Variants in DOCK4 observed in about 807,000 individuals in gnomAD.
DOCK4 encodes the protein dedicator of cytokinesis protein 4.
Under a neutral mutation model 268.1 loss-of-function variants are expected in DOCK4, and 97 were observed. The ratio of observed to expected loss-of-function variants is 0.36; its 90% CI spans 0.31 to 0.43. The LOEUF is 0.43. Ranked by LOEUF, DOCK4 falls within the 20% of genes least tolerant of loss-of-function variation. DOCK4 has a pLI of 1.00. For synonymous variants in DOCK4, 954 were observed against 887.2 expected, an observed-to-expected ratio of 1.08 and a Z score of -1.34; for missense variants, 2,145 against 2,455.7, an observed-to-expected ratio of 0.87 and a Z score of 2.67.
At chr7:112,186,765 C>A (rs1028081539) in intron 1 of DOCK4, among the ~76,000 whole-genome samples, 1 of 152,002 alleles carries the variant, frequency 6.6e-6, no homozygotes, top group Non-Finnish European at 1.5e-5. Flanking sequence ...ACCAGGTATG[C>A]CACATAATTT....
In DOCK4 at chr7:111,784,027, C is replaced by T; in HGVS notation, c.3428+70G>A. 3.8e-6 allele frequency: 6 copies of T among 1,571,214 alleles called. No individual in the cohort carries two copies. In the South Asian group the frequency reaches 7.0e-5, roughly 18 times the overall value. On this transcript the variant is annotated intron_variant, in intron 33 of 52. Coordinates refer to ENST00000428084, the MANE Select transcript of DOCK4 (RefSeq NM_001363540.2). The stretch of plus-strand genomic sequence containing the variant: ...ACCATGACAACCACTTTACTTTCAT[C>T]AGTACCTTAAATGCCTTAGCAACCA...
intron 1 of DOCK4, among the ~76,000 whole-genome samples, chr7:112,107,814 T>G (rs1001819069): frequency 6.6e-6 from 1 of 152,170 alleles, no homozygotes; most frequent in Admixed American, 6.5e-5. Context: ...ATACAGCATC[T>G]GGAAAGCAGC....
intron 32 of DOCK4, among the ~76,000 whole-genome samples, chr7:111,787,357 A>G (rs935912441): frequency 2.0e-5 from 3 of 152,198 alleles, no homozygotes; most frequent in Admixed American, 6.5e-5. Context: ...AATTCTTGCT[A>G]AACTCCAAGC....
intron 42 of DOCK4, among the ~76,000 whole-genome samples, chr7:111,752,219 T>C (rs892255501): frequency 3.5e-4 from 53 of 152,106 alleles, no homozygotes; most frequent in African/African-American, 1.2e-3. Flanking sequence ...GTTGAAGCAA[T>C]GATGGGTAAG....
intron 1 of DOCK4, among the ~76,000 whole-genome samples, chr7:112,097,411 GT>G (rs931536454): frequency 1.6e-4 from 24 of 147,494 alleles, no homozygotes; most frequent in South Asian, 2.2e-4. Context: ...TCATCTCTAC[GT>G]TTTTTTTTTT....
At chr7:112,018,179 A>AAAAAAAAAAAAAAAAACACACAC in intron 1 of DOCK4, among the ~76,000 whole-genome samples, 1 of 72,630 alleles carries the variant, frequency 1.4e-5, no homozygotes, top group African/African-American at 5.4e-5. Context: ...AAAAAAAAAA[A>AAAAAAAAAAAAAAAAACACACAC]ACACAGGCAA....
In DOCK4 at chr7:111,756,310, C is replaced by A. The variant is rs367852488; in HGVS notation, c.4330-709G>T. Among the ~76,000 whole-genome samples the A allele has an allele frequency of 1.4e-4, 22 of 152,286 alleles. No individual in the cohort carries two copies. In the East Asian group the frequency reaches 1.9e-3, roughly 13 times the overall value. Reference sequence around the variant, plus strand: ...CTTGCAGTAAGCCGAGATCGCCCCACTGCACTCCAGCCTGGGCGACAGGGC... The same window carrying A: ...CTTGCAGTAAGCCGAGATCGCCCCAATGCACTCCAGCCTGGGCGACAGGGC... On this transcript the variant is annotated intron_variant, in intron 41 of 52. Coordinates refer to ENST00000428084, the MANE Select transcript of DOCK4 (RefSeq NM_001363540.2).
intron 44 of DOCK4, 64 bp downstream of exon 44, chr7:111,746,270 G>A (rs1245620256): frequency 5.3e-6 from 7 of 1,330,198 alleles, no homozygotes; most frequent in South Asian, 1.3e-5. Flanking sequence ...ATGCAGAGGG[G>A]GCTCTAGGTA....
At chr7:111,824,979 A>G (rs1416514787) in intron 26 of DOCK4, among the ~76,000 whole-genome samples, 1 of 152,202 alleles carries the variant, frequency 6.6e-6, no homozygotes, top group African/African-American at 2.4e-5. Flanking sequence ...TAAGAAAAAT[A>G]AAAGAGCACA....
intron 23 of DOCK4, among the ~76,000 whole-genome samples, chr7:111,855,117 GCCAC>G (rs1804895106): frequency 6.6e-6 from 1 of 152,174 alleles, no homozygotes; most frequent in Non-Finnish European, 1.5e-5. Context: ...GGTGGACGGG[GCCAC>G]ATCACAGGGC....
chr7:112,130,633 T>C (rs747139888), intron 1 of DOCK4, among the ~76,000 whole-genome samples: 1 of 152,176 alleles, frequency 6.6e-6, no homozygotes, highest in African/African-American at 2.4e-5. Flanking sequence ...CAAGAGCAGG[T>C]TGAATCAGAA....
At chr7:112,100,083 A>G (rs1001965143) in intron 1 of DOCK4, among the ~76,000 whole-genome samples, 1 of 152,240 alleles carries the variant, frequency 6.6e-6, no homozygotes, top group Admixed American at 6.5e-5. Context: ...AATAAAAATG[A>G]GCTGTGTTTC....
intron 16 of DOCK4, among the ~76,000 whole-genome samples, chr7:111,890,824 G>C (rs1051623923): frequency 2.6e-5 from 4 of 152,182 alleles, no homozygotes; most frequent in African/African-American, 9.7e-5. Context: ...CTGCAGGATT[G>C]AGTCTTTTAA....
chr7:111,989,718 T>C (rs775341130), intron 5 of DOCK4, among the ~76,000 whole-genome samples: 9 of 152,250 alleles, frequency 5.9e-5, no homozygotes, highest in Non-Finnish European at 1.0e-4. Context: ...TTTAAAAAGG[T>C]AATGCTTTCT....
At chr7:111,914,481 T>G (rs942530671) in intron 13 of DOCK4, among the ~76,000 whole-genome samples, 1 of 152,190 alleles carries the variant, frequency 6.6e-6, no homozygotes, top group African/African-American at 2.4e-5. Flanking sequence ...GACTTCCCTC[T>G]TCGAATCTCC....
intron 49 of DOCK4, among the ~76,000 whole-genome samples, chr7:111,737,408 C>T (rs1585827563): frequency 6.6e-6 from 1 of 152,082 alleles, no homozygotes; most frequent in African/African-American, 2.4e-5. Context: ...GGATTACAGG[C>T]ATGAGCCACC....
chr7:112,017,987 C>T lies in DOCK4; in HGVS notation c.38-13856G>A, dbSNP rs1419236082. ...GGATCACGAGGTCAGGAGAGCGAGACCATCCTGGCTAACACGGTGAAACCC... is the reference window on the plus strand; with the variant it reads ...GGATCACGAGGTCAGGAGAGCGAGATCATCCTGGCTAACACGGTGAAACCC... On this transcript the variant is annotated intron_variant, in intron 1 of 52. Transcript: ENST00000428084. Among the ~76,000 whole-genome samples, 16 of 151,616 alleles carry T rather than the reference C, an allele frequency of 1.1e-4. No homozygotes were observed. In the East Asian group the frequency reaches 2.7e-3, roughly 26 times the overall value.
chr7:111,733,228 C>A (rs1046722580), intron 51 of DOCK4, among the ~76,000 whole-genome samples: 1 of 152,170 alleles, frequency 6.6e-6, no homozygotes, highest in Admixed American at 6.5e-5. Flanking sequence ...AGTTACAGAG[C>A]CCCACAACAG....
intron 1 of DOCK4, among the ~76,000 whole-genome samples, chr7:112,022,158 G>T (rs1802373741): frequency 6.6e-6 from 1 of 152,160 alleles, no homozygotes; most frequent in Non-Finnish European, 1.5e-5. Flanking sequence ...CCTAGGAAAT[G>T]CTGTGGTATG....
Sources: allele counts gnomAD v4.1 joint callset (sites outside exome capture counted in the v4.1 genomes callset), GRCh38; gene constraint gnomAD v4.1.1; transcripts MANE v1.5; gene names NCBI Gene and HGNC (gene_info 2026-07-23, HGNC 2026-07-21).